The following WWOX variants were observed in gnomAD, a reference collection of about 807,000 sequenced individuals.
WWOX encodes WW domain-containing oxidoreductase.
In WWOX, 69 loss-of-function variants were observed where a neutral mutation model predicts 46.2. The observed-to-expected ratio is 1.49, with a 90% CI of 1.23 to 1.82. WWOX has a LOEUF of 1.82. Ranked by LOEUF, WWOX falls within the 40% of genes most tolerant of loss-of-function variation. WWOX has a pLI of 0.00. For missense variants in WWOX, 919 were observed against 542.6 expected (o/e 1.69, Z -6.89); for synonymous variants, 359 against 202.6 (o/e 1.77, Z -6.56).
chr16:78,577,869 T>A (rs1176506455), intron 8 of WWOX, among the ~76,000 whole-genome samples: 1 of 152,092 alleles, frequency 6.6e-6, no homozygotes, highest in Non-Finnish European at 1.5e-5. Context: ...GTAATTCAGT[T>A]TCAGGATTTC....
intron 8 of WWOX, among the ~76,000 whole-genome samples, chr16:79,039,089 A>AT (rs1200521065): frequency 6.6e-6 from 1 of 152,050 alleles, no homozygotes; most frequent in African/African-American, 2.4e-5. Context: ...ACTGAACTTG[A>AT]TTTCCTGCAT....
intron 8 of WWOX, among the ~76,000 whole-genome samples, chr16:78,771,942 T>A (rs1008565447): frequency 5.9e-5 from 9 of 152,312 alleles, no homozygotes; most frequent in Middle Eastern, 6.8e-3. Context: ...TTGAAAAGAA[T>A]AGTACAAAAA....
intron 8 of WWOX, chr16:78,691,337 A>T (rs1391089159): frequency 1.4e-6 from 1 of 699,460 alleles, no homozygotes; most frequent in Admixed American, 2.0e-5. Flanking sequence ...TTCATTTTCA[A>T]CATAGCTTTA....
At chr16:78,805,297 G>T (rs1366711985) in intron 8 of WWOX, among the ~76,000 whole-genome samples, 1 of 152,158 alleles carries the variant, frequency 6.6e-6, no homozygotes, top group East Asian at 1.9e-4. Flanking sequence ...CTGTCGCCCA[G>T]GCTCGAGTGC....
intron 8 of WWOX, among the ~76,000 whole-genome samples, chr16:78,805,959 T>C (rs2051024137): frequency 6.6e-6 from 1 of 152,184 alleles, no homozygotes; most frequent in Non-Finnish European, 1.5e-5. Context: ...TGCCACCCTA[T>C]AATCTCGAGA....
intron 8 of WWOX, among the ~76,000 whole-genome samples, chr16:78,713,472 C>G (rs988199054): frequency 2.6e-5 from 4 of 152,028 alleles, no homozygotes; most frequent in Non-Finnish European, 5.9e-5. Flanking sequence ...CCCTAATTCA[C>G]AGTACCTCAT....
chr16:78,980,821 T>C (rs1479221147), intron 8 of WWOX, among the ~76,000 whole-genome samples: 3 of 152,224 alleles, frequency 2.0e-5, no homozygotes, highest in African/African-American at 7.2e-5. Context: ...GATAGGGTTA[T>C]CTTGAAAGTC....
At chr16:78,875,493 G>A (rs1488576656) in intron 8 of WWOX, among the ~76,000 whole-genome samples, 21 of 152,164 alleles carry the variant, frequency 1.4e-4, no homozygotes, top group Admixed American at 1.3e-3. Flanking sequence ...TTCATTAAGT[G>A]GAGGACAGTG....
intron 5 of WWOX, among the ~76,000 whole-genome samples, chr16:78,382,298 T>G (rs940328705): frequency 1.2e-4 from 19 of 152,342 alleles, no homozygotes; most frequent in African/African-American, 4.6e-4. Flanking sequence ...CCAGTCACTA[T>G]TAAGTGGAAG....
chr16:78,348,939 G>GA lies in WWOX; in HGVS notation c.517-37917dup, dbSNP rs1459808080. Among the ~76,000 whole-genome samples, 2 of 120,882 alleles carry GA rather than the reference G, an allele frequency of 1.7e-5. 1 individual carries two copies. The highest frequency in any genetic ancestry group is 3.9e-5 in the Non-Finnish European group (2 of 50,678). 79.3% of individuals were successfully genotyped at this position (120,882 alleles called of 152,430 possible). ...GGGTGGAAAATAGCCCAGCAGAGGG[G>GA]AAAAGAGGAAGTCTGAACGAGGGCC... is the stretch of plus-strand genomic sequence containing the variant. On this transcript the variant is annotated intron_variant, in intron 5 of 8. Transcript: ENST00000566780.
chr16:78,332,972 A>C (rs1007755841), intron 5 of WWOX, among the ~76,000 whole-genome samples: 26 of 150,464 alleles, frequency 1.7e-4, no homozygotes, highest in Admixed American at 1.1e-3. Context: ...CCTTGTACTT[A>C]TAATATAAAA....
chr16:78,710,393 A>G (rs2048413121), intron 8 of WWOX, among the ~76,000 whole-genome samples: 2 of 147,976 alleles, frequency 1.4e-5, no homozygotes, highest in African/African-American at 5.0e-5. Flanking sequence ...AGCCTTCCGC[A>G]TCTGCTATGC....
rs1328485774 is a variant in WWOX, at chr16:78,443,976, C to A, written c.1056+11224C>A. ...CCATGACGATGTTTCTGGAATGTTT[C>A]TTCTGTGAACAGTGATTTTTGTATA... On this transcript the variant is annotated intron_variant, in intron 8 of 8. Coordinates refer to ENST00000566780, the MANE Select transcript of WWOX (RefSeq NM_016373.4). Among the ~76,000 whole-genome samples the A allele has an allele frequency of 4.6e-5, 7 of 152,122 alleles. No individual in the cohort carries two copies. In the East Asian group the frequency reaches 1.3e-3, roughly 29 times the overall value.
chr16:79,003,437 A>G (rs561264105), intron 8 of WWOX, among the ~76,000 whole-genome samples: 1 of 152,182 alleles, frequency 6.6e-6, no homozygotes, highest in Non-Finnish European at 1.5e-5. Flanking sequence ...CTGAGTAACA[A>G]GGTGTACCCC....
intron 8 of WWOX, among the ~76,000 whole-genome samples, chr16:79,155,473 A>C (rs2050363380): frequency 6.6e-6 from 1 of 152,212 alleles, no homozygotes; most frequent in Non-Finnish European, 1.5e-5. Context: ...GTAGGTATTC[A>C]TATAGCATTT....
intron 5 of WWOX, among the ~76,000 whole-genome samples, chr16:78,202,714 C>T (rs538080012): frequency 6.6e-6 from 1 of 152,166 alleles, no homozygotes; most frequent in East Asian, 1.9e-4. Context: ...AAAAGAGTGT[C>T]CTCCCAGTTC....
chr16:79,009,417 G>C (rs1238418164), intron 8 of WWOX, among the ~76,000 whole-genome samples: 3 of 152,192 alleles, frequency 2.0e-5, no homozygotes, highest in East Asian at 3.9e-4. Flanking sequence ...GAAGAGAGGA[G>C]TGGGCAAAAG....
At chr16:78,601,847 G>C (rs540482857) in intron 8 of WWOX, among the ~76,000 whole-genome samples, 1 of 141,782 alleles carries the variant, frequency 7.1e-6, no homozygotes, top group Non-Finnish European at 1.5e-5. Flanking sequence ...CGACTCTGCA[G>C]ATCCCTACTC....
At chr16:78,676,467 G>T (rs774918840) in intron 8 of WWOX, among the ~76,000 whole-genome samples, 3 of 147,878 alleles carry the variant, frequency 2.0e-5, no homozygotes, top group African/African-American at 7.5e-5. Flanking sequence ...TACCTAAAAA[G>T]CTCCCCACCC....
Sources: gnomAD v4.1 joint callset for allele counts (sites outside exome capture counted in the v4.1 genomes callset) on GRCh38, gnomAD v4.1.1 for gene constraint, MANE v1.5 for transcripts, NCBI Gene and HGNC (gene_info 2026-07-23, HGNC 2026-07-21) for gene names.